ANO3: variants seen among roughly 807,000 people sequenced by gnomAD.
The protein encoded by ANO3 is anoctamin-3.
Under a neutral mutation model 144.8 loss-of-function variants are expected in ANO3, and 99 were observed. The ratio of observed to expected loss-of-function variants is 0.68; its 90% CI spans 0.58 to 0.81. The LOEUF is 0.81. ANO3 is among the 30% of genes least tolerant of loss of function. The pLI is 0.00. For synonymous variants in ANO3, 414 were observed against 392.6 expected (o/e 1.05, Z -0.64); for missense variants, 905 against 1,202.2 (o/e 0.75, Z 3.66).
chr11:26,502,325 T>C (rs1240326580), intron 4 of ANO3, among the ~76,000 whole-genome samples: 2 of 152,178 alleles, frequency 1.3e-5, no homozygotes, highest in Non-Finnish European at 2.9e-5. Flanking sequence ...TTAGCCATAA[T>C]AATAATTCTA....
intron 14 of ANO3, among the ~76,000 whole-genome samples, chr11:26,564,123 T>G (rs1028153639): frequency 3.3e-5 from 5 of 151,776 alleles, no homozygotes; most frequent in African/African-American, 1.2e-4. Context: ...TAAATTTTTT[T>G]TTACATAAAA....
intron 4 of ANO3, among the ~76,000 whole-genome samples, chr11:26,483,603 G>T (rs1240035304): frequency 6.6e-6 from 1 of 152,068 alleles, no homozygotes; most frequent in Non-Finnish European, 1.5e-5. Flanking sequence ...CCTTGATCAT[G>T]TTTCCTATAC....
chr11:26,505,796 C>T (rs1326629818), intron 4 of ANO3, among the ~76,000 whole-genome samples: 1 of 151,666 alleles, frequency 6.6e-6, no homozygotes, highest in Non-Finnish European at 1.5e-5. Flanking sequence ...CATGGTGAGA[C>T]CTCATGTCTA....
intron 4 of ANO3, among the ~76,000 whole-genome samples, chr11:26,496,711 T>C (rs2039212486): frequency 6.6e-6 from 1 of 152,108 alleles, no homozygotes; most frequent in East Asian, 1.9e-4. Flanking sequence ...ATGTCTATTA[T>C]TCCATTCTCT....
intron 1 of ANO3, among the ~76,000 whole-genome samples, chr11:26,438,218 C>T (rs922515734): frequency 1.3e-5 from 2 of 151,972 alleles, no homozygotes; most frequent in African/African-American, 2.4e-5. Context: ...CGGGAGCTAA[C>T]CAATATGCAA....
At chr11:26,285,381 A>G (rs1853782114) in intron 1 of ANO3, among the ~76,000 whole-genome samples, 1 of 152,162 alleles carries the variant, frequency 6.6e-6, no homozygotes, top group Non-Finnish European at 1.5e-5. Context: ...TGTTATTAAG[A>G]TTTATAAAAT....
At chr11:26,203,924 C>A (rs1482165741) in intron 1 of ANO3, among the ~76,000 whole-genome samples, 1 of 152,082 alleles carries the variant, frequency 6.6e-6, no homozygotes, top group African/African-American at 2.4e-5. Context: ...TGGTTATTCA[C>A]CATTTCTTCA....
chr11:26,227,297 C>A (rs1485452211), intron 1 of ANO3, among the ~76,000 whole-genome samples: 2 of 152,266 alleles, frequency 1.3e-5, no homozygotes, highest in African/African-American at 4.8e-5. Flanking sequence ...TTGTCTCATG[C>A]ATTTGCTAGA....
At chr11:26,659,995 A>T (rs190984200) in intron 26 of ANO3, among the ~76,000 whole-genome samples, 64 of 152,282 alleles carry the variant, frequency 4.2e-4, no homozygotes, top group African/African-American at 1.4e-3. Flanking sequence ...ATAGGAGTGA[A>T]TTTAAGATTT....
chr11:26,439,930 TA>T, intron 1 of ANO3, among the ~76,000 whole-genome samples: 1 of 152,210 alleles, frequency 6.6e-6, no homozygotes, highest in East Asian at 1.9e-4. Flanking sequence ...ACATTTTATG[TA>T]ATTTGCTTGT....
chr11:26,584,987 T>C (rs547480551), intron 14 of ANO3, among the ~76,000 whole-genome samples: 8 of 152,318 alleles, frequency 5.3e-5, no homozygotes, highest in African/African-American at 1.9e-4. Context: ...TTATGCTTTA[T>C]TGTCTTCAGC....
intron 1 of ANO3, among the ~76,000 whole-genome samples, chr11:26,391,790 T>C (rs1397992717): frequency 6.6e-6 from 1 of 152,136 alleles, no homozygotes. Flanking sequence ...AGCTCTTTTA[T>C]GTGTAGCCAA....
At chr11:26,544,623 G>A (rs1370678500) in intron 11 of ANO3, among the ~76,000 whole-genome samples, 8 of 151,646 alleles carry the variant, frequency 5.3e-5, no homozygotes, top group Admixed American at 5.3e-4. Context: ...AAATATGTGA[G>A]GTAATGCATA....
intron 1 of ANO3, among the ~76,000 whole-genome samples, chr11:26,430,122 A>G (rs1405867005): frequency 6.6e-6 from 1 of 152,024 alleles, no homozygotes; most frequent in Non-Finnish European, 1.5e-5. Flanking sequence ...TTAACCAGGC[A>G]TGATGATACA....
chr11:26,376,657 A>G (rs1319512502), intron 1 of ANO3, among the ~76,000 whole-genome samples: 2 of 77,566 alleles, frequency 2.6e-5, no homozygotes, highest in East Asian at 4.1e-4. Context: ...AAAGTTGAGT[A>G]AAAAAAAAAA....
chr11:26,352,992 A>G (rs1010303596), intron 1 of ANO3, among the ~76,000 whole-genome samples: 1 of 152,234 alleles, frequency 6.6e-6, no homozygotes, highest in African/African-American at 2.4e-5. Context: ...TGAGTCATAA[A>G]ATAGTGAAAG....
chr11:26,350,031 G>A (rs1404799789), intron 1 of ANO3, among the ~76,000 whole-genome samples: 1 of 150,366 alleles, frequency 6.7e-6, no homozygotes, highest in Non-Finnish European at 1.5e-5. Context: ...GACGGGAAAG[G>A]AGAGTTGGGG....
At chr11:26,496,861 CT>C (rs1190026072) in intron 4 of ANO3, among the ~76,000 whole-genome samples, 5 of 151,518 alleles carry the variant, frequency 3.3e-5, no homozygotes, top group African/African-American at 7.3e-5. Flanking sequence ...GCTTTTATCC[CT>C]TTTTTTCTGG....
At chr11:26,344,501 G>C (rs1855450658) in intron 1 of ANO3, among the ~76,000 whole-genome samples, 1 of 151,886 alleles carries the variant, frequency 6.6e-6, no homozygotes, top group Non-Finnish European at 1.5e-5. Flanking sequence ...GAGTAGCTGG[G>C]ACTACAGGCG....
Sources: allele counts gnomAD v4.1 joint callset (sites outside exome capture counted in the v4.1 genomes callset), GRCh38; gene constraint gnomAD v4.1.1; transcripts MANE v1.5; gene names NCBI Gene and HGNC (gene_info 2026-07-23, HGNC 2026-07-21).